The following AP1S3 variants were observed in gnomAD, a reference collection of about 807,000 sequenced individuals.
The protein encoded by AP1S3 is adaptor related protein complex 1 subunit sigma 3, also known as AP-1 complex subunit sigma-3.
In AP1S3, 10 loss-of-function variants were observed where a neutral mutation model predicts 20.9. The ratio of observed to expected loss-of-function variants is 0.48; its 90% CI spans 0.29 to 0.81. AP1S3 has a LOEUF of 0.81. AP1S3 is among the 30% of genes least tolerant of loss of function. The pLI is 0.08. For synonymous variants in AP1S3, 41 were observed against 61.5 expected, an observed-to-expected ratio of 0.67 and a Z score of 1.56; for missense variants, 154 against 183.8, an observed-to-expected ratio of 0.84 and a Z score of 0.94.
intron 1 of AP1S3, among the ~76,000 whole-genome samples, chr2:223,809,756 T>C (rs1691677408): frequency 6.7e-6 from 1 of 149,282 alleles, no homozygotes; most frequent in Non-Finnish European, 1.5e-5. Context: ...TGAGATAGAG[T>C]CTTGCTCTGT....
Position 223,810,935 on chromosome 2 carries a change from CCT to C in AP1S3, c.3+26511_3+26512del, listed in dbSNP as rs1336828621. 4.6e-5 allele frequency among the ~76,000 whole-genome samples: 7 copies of C among 151,748 alleles called. No homozygotes were observed. The South Asian group carries it at 8.3e-4, about 18-fold the overall frequency. ...TTTTATTATGGTTTAAATTTTGGCT[CCT>C]TTTTTTAATTTTCAAATTTTTAAAA... On this transcript the variant is annotated intron_variant, in intron 1 of 4. Transcript: ENST00000396654.
intron 1 of AP1S3, among the ~76,000 whole-genome samples, chr2:223,807,478 A>C (rs906310737): frequency 2.5e-4 from 38 of 152,204 alleles, no homozygotes; most frequent in African/African-American, 8.0e-4. Flanking sequence ...TCTTTTAATC[A>C]GAGTGATAAG....
chr2:223,780,276 AATATATAT>A (rs138804582), intron 1 of AP1S3, among the ~76,000 whole-genome samples: 336 of 24,154 alleles, frequency 0.014, 2 homozygotes, highest in Non-Finnish European at 0.015. Flanking sequence ...ATGCCTGGCT[AATATATAT>A]ATATATATAT....
chr2:223,795,710 C>T (rs1278230415), intron 1 of AP1S3, among the ~76,000 whole-genome samples: 1 of 152,034 alleles, frequency 6.6e-6, no homozygotes, highest in Non-Finnish European at 1.5e-5. Flanking sequence ...TGAGCTAAGT[C>T]GATGTGAAAA....
chr2:223,758,726 G>C lies in AP1S3; in HGVS notation c.454C>G (p.Pro152Ala). The C allele has an allele frequency of 6.2e-7, 1 of 1,609,542 alleles. No homozygotes were observed. Among genetic ancestry groups the C allele is most frequent in the Admixed American group, 1.7e-5 (1 of 59,380 alleles). The change falls in exon 5 of 5, where the codon CCT becomes GCT. Residue 152 changes from proline (P) to alanine (A), a missense_variant. Pro to Ala is a conservative substitution (Grantham distance 27, BLOSUM62 -1). Coordinates refer to ENST00000396654, the MANE Select transcript of AP1S3 (RefSeq NM_001039569.2). ...AAGTAGATTTCCAGTTAAAATGTAG[G>C]CTTGTTCATGTATTCTTCCATTGTC... ...QETMEEYMNK[P>A]TF
chr2:223,801,312 A>AT (rs1691460783), intron 1 of AP1S3, among the ~76,000 whole-genome samples: 1 of 152,174 alleles, frequency 6.6e-6, no homozygotes, highest in African/African-American at 2.4e-5. Context: ...CTGGGCTTTG[A>AT]TTCCAGAGCC....
intron 1 of AP1S3, among the ~76,000 whole-genome samples, chr2:223,822,264 G>C (rs1191065723): frequency 2.0e-5 from 3 of 151,772 alleles, no homozygotes; most frequent in Non-Finnish European, 4.4e-5. Flanking sequence ...ATGGTGTCAC[G>C]ACCTGTAGTC....
intron 1 of AP1S3, among the ~76,000 whole-genome samples, chr2:223,833,388 T>C (rs1255169782): frequency 6.6e-6 from 1 of 152,152 alleles, no homozygotes. Context: ...TGAAGTGCAA[T>C]AGCCCTAACA....
Position 223,757,920 on chromosome 2 carries a change from A to T in AP1S3, c.*795T>A. On this transcript the variant is annotated 3_prime_UTR_variant, in exon 5 of 5. Coordinates refer to ENST00000396654, the MANE Select transcript of AP1S3 (RefSeq NM_001039569.2). ...GTAGCAATAATTATTATTGCTATTAATTCTTATCATACTATTTTAGAATAA... is the reference window on the plus strand; with the variant it reads ...GTAGCAATAATTATTATTGCTATTATTTCTTATCATACTATTTTAGAATAA... The T allele has an allele frequency of 2.1e-6, 2 of 972,334 alleles. No individual in the cohort carries two copies. The highest frequency in any genetic ancestry group is 2.4e-6 in the Non-Finnish European group (2 of 818,062). 60.2% of individuals were successfully genotyped at this position (972,334 alleles called of 1,614,324 possible).
Position 223,801,691 on chromosome 2 carries a change from GC to G in AP1S3, c.4-23823del, listed in dbSNP as rs1472106902. On this transcript the variant is annotated intron_variant, in intron 1 of 4. Transcript: ENST00000396654. ...ACTCCTGACTCCAAGTGGTCTGCCC[GC>G]CTCGGCCTCCCAAAGTGCTGGGATT... Among the ~76,000 whole-genome samples, 7 of 152,154 alleles carry G rather than the reference GC, an allele frequency of 4.6e-5. No individual in the cohort carries two copies. In the East Asian group the frequency reaches 1.4e-3, roughly 30 times the overall value.
chr2:223,766,297 T>C (rs1690477933), intron 3 of AP1S3, among the ~76,000 whole-genome samples: 1 of 152,214 alleles, frequency 6.6e-6, no homozygotes, highest in African/African-American at 2.4e-5. Flanking sequence ...CTTGTACATT[T>C]GTTTAAGTTC....
chr2:223,770,497 T>TACACACACACACACACACACACAC (rs58486635), intron 3 of AP1S3, among the ~76,000 whole-genome samples: 2 of 141,640 alleles, frequency 1.4e-5, no homozygotes, highest in Non-Finnish European at 1.5e-5. Context: ...AGAGAGACAA[T>TACACACACACACACACACACACAC]ACACACACAC....
At chr2:223,804,306 C>G (rs1179054282) in intron 1 of AP1S3, among the ~76,000 whole-genome samples, 1 of 152,190 alleles carries the variant, frequency 6.6e-6, no homozygotes, top group African/African-American at 2.4e-5. Context: ...TAATTAATTT[C>G]ACAATGCACC....
rs1181964958 is a variant in AP1S3 at position 223,788,484 on chromosome 2, T to G, written c.4-10615A>C. ...AAAAATTAGCTGGGGCTGGGCGCGG[T>G]GGCTCACGCCTGTAATCCCAGCACT... On this transcript the variant is annotated intron_variant, in intron 1 of 4. Coordinates refer to ENST00000396654, the MANE Select transcript of AP1S3 (RefSeq NM_001039569.2). Among the ~76,000 whole-genome samples the G allele has an allele frequency of 3.3e-5, 5 of 150,900 alleles. No homozygotes were observed. In the East Asian group the frequency reaches 1.0e-3, roughly 30 times the overall value.
intron 1 of AP1S3, among the ~76,000 whole-genome samples, chr2:223,811,054 G>T (rs1216565983): frequency 6.6e-6 from 1 of 151,154 alleles, no homozygotes; most frequent in Non-Finnish European, 1.5e-5. Context: ...TTACATGAAT[G>T]AACTGTAGAG....
At chr2:223,772,260 C>A (rs937847014) in intron 3 of AP1S3, among the ~76,000 whole-genome samples, 2 of 152,176 alleles carry the variant, frequency 1.3e-5, no homozygotes, top group African/African-American at 4.8e-5. Flanking sequence ...TTCTCTTAAC[C>A]TTTTTGAGGG....
intron 4 of AP1S3, 109 bp downstream of exon 4, chr2:223,765,104 T>C (rs958264351): frequency 1.4e-6 from 2 of 1,440,462 alleles, no homozygotes; most frequent in African/African-American, 2.9e-5. Flanking sequence ...TTAGAAACTG[T>C]ACCCAGCACA....
At chr2:223,776,283 C>T (rs865866528) in intron 2 of AP1S3, 40 of 468,818 alleles carry the variant, frequency 8.5e-5, no homozygotes, top group African/African-American at 5.0e-4. Context: ...AGTATCCTTT[C>T]GCTCTTGGTA....
intron 1 of AP1S3, among the ~76,000 whole-genome samples, chr2:223,836,665 G>T (rs1692402098): frequency 6.6e-6 from 1 of 152,030 alleles, no homozygotes; most frequent in Non-Finnish European, 1.5e-5. Context: ...GCTTGAACCC[G>T]GGAGGCAGAG....
Sources: gnomAD v4.1 joint callset for allele counts (sites outside exome capture counted in the v4.1 genomes callset) on GRCh38, gnomAD v4.1.1 for gene constraint, MANE v1.5 for transcripts, NCBI Gene and HGNC (gene_info 2026-07-23, HGNC 2026-07-21) for gene names.